Variants in EPRS1 observed in about 807,000 individuals in gnomAD.
EPRS1 encodes bifunctional glutamate/proline--tRNA ligase.
In EPRS1, 107 loss-of-function variants were observed where a neutral mutation model predicts 188.3. The observed-to-expected ratio is 0.57, with a 90% CI of 0.49 to 0.67. The LOEUF is 0.67. Ranked by LOEUF, EPRS1 falls within the 30% of genes least tolerant of loss-of-function variation. The probability of loss-of-function intolerance (pLI) is 0.00; values close to 1 mark genes in which losing one functional copy is unlikely to be tolerated. For synonymous variants in EPRS1, 596 were observed against 593.1 expected, an observed-to-expected ratio of 1.00 and a Z score of -0.07; for missense variants, 1,577 against 1,802.2, an observed-to-expected ratio of 0.88 and a Z score of 2.26.
intron 6 of EPRS1, among the ~76,000 whole-genome samples, chr1:220,027,359 T>C (rs536965263): frequency 4.7e-4 from 70 of 149,036 alleles, no homozygotes; most frequent in African/African-American, 1.6e-3. Flanking sequence ...ACCCGGGAGG[T>C]GGAGCTTGCA....
chr1:220,006,498 A>G (rs2102580645), intron 14 of EPRS1, among the ~76,000 whole-genome samples, 185 bp from the exon 15 acceptor site: 1 of 152,234 alleles, frequency 6.6e-6, no homozygotes, highest in African/African-American at 2.4e-5. Flanking sequence ...CTAACATGCC[A>G]GACATATATT....
chr1:219,988,003 A>C (rs1661037825), intron 19 of EPRS1, among the ~76,000 whole-genome samples: 1 of 152,200 alleles, frequency 6.6e-6, no homozygotes, highest in South Asian at 2.1e-4. Flanking sequence ...ATCTAAGTTA[A>C]GAGCCATTAA....
intron 18 of EPRS1, among the ~76,000 whole-genome samples, chr1:219,989,400 A>G (rs956702060): frequency 4.0e-5 from 6 of 151,568 alleles, no homozygotes; most frequent in Admixed American, 1.3e-4. Context: ...CCCCACCGAG[A>G]CACTTGTGAC....
intron 30 of EPRS1, among the ~76,000 whole-genome samples, chr1:219,971,556 G>A (rs1040440696): frequency 5.3e-5 from 8 of 151,858 alleles, no homozygotes; most frequent in Non-Finnish European, 1.2e-4. Flanking sequence ...TTAGGCAGCC[G>A]CATATGACAG....
At chr1:220,030,567 C>T (rs1662064981) in intron 5 of EPRS1, 87 bp from the exon 6 acceptor site, 7 of 884,348 alleles carry the variant, frequency 7.9e-6, no homozygotes, top group African/African-American at 1.6e-5. Context: ...CCAGGCACTA[C>T]ACACACTGGT....
At chr1:220,023,481 A>T (rs1304848793) in intron 8 of EPRS1, among the ~76,000 whole-genome samples, 1 of 152,228 alleles carries the variant, frequency 6.6e-6, no homozygotes. Context: ...CCAATTTAGA[A>T]GTTCAGGAGA....
At chr1:220,024,676 C>T (rs1413762014) in intron 7 of EPRS1, among the ~76,000 whole-genome samples, 3 of 152,176 alleles carry the variant, frequency 2.0e-5, no homozygotes, top group Admixed American at 6.5e-5. Flanking sequence ...GCTGATCTCA[C>T]GATGGAGTTT....
intron 19 of EPRS1, among the ~76,000 whole-genome samples, chr1:219,988,261 A>C (rs1293943771): frequency 6.6e-6 from 1 of 152,168 alleles, no homozygotes. Context: ...GTAAATATTA[A>C]GGGCCTTCAA....
intron 17 of EPRS1, among the ~76,000 whole-genome samples, chr1:219,997,940 T>C (rs1474881947): frequency 6.6e-6 from 1 of 152,176 alleles, no homozygotes; most frequent in Non-Finnish European, 1.5e-5. Context: ...AACAGTTTCA[T>C]TTGTGTAAAA....
At chr1:220,009,598 G>A (rs2102582546) in intron 13 of EPRS1, among the ~76,000 whole-genome samples, 1 of 151,876 alleles carries the variant, frequency 6.6e-6, no homozygotes, top group African/African-American at 2.4e-5. Flanking sequence ...GAGGTGGAAG[G>A]ATCACTTGAG....
chr1:219,975,803 TAG>T (rs1660765706), intron 28 of EPRS1, among the ~76,000 whole-genome samples: 1 of 151,902 alleles, frequency 6.6e-6, no homozygotes, highest in Admixed American at 6.6e-5. Flanking sequence ...CATACATAAA[TAG>T]ATATGGAAAT....
intron 18 of EPRS1, among the ~76,000 whole-genome samples, chr1:219,993,008 G>A (rs568911813): frequency 2.0e-5 from 3 of 152,246 alleles, no homozygotes; most frequent in East Asian, 1.9e-4. Context: ...GTCAAGGAGG[G>A]CGGACAGCTT....
chr1:219,974,204 A>C (rs1660732447), intron 28 of EPRS1, among the ~76,000 whole-genome samples: 1 of 152,136 alleles, frequency 6.6e-6, no homozygotes. Context: ...TCAGCCTCTC[A>C]AATTGCTGGG....
intron 21 of EPRS1, among the ~76,000 whole-genome samples, chr1:219,983,963 T>C (rs1660953324): frequency 6.6e-6 from 1 of 151,926 alleles, no homozygotes; most frequent in Non-Finnish European, 1.5e-5. Context: ...TGGCTTTGAA[T>C]TAATCCCTTT....
At position 219,983,218 on chromosome 1, in the gene EPRS1, T is replaced by C. The variant is rs139441122; in HGVS notation, c.3271A>G (p.Lys1091Glu). 4.3e-6 allele frequency: 7 copies of C among 1,613,962 alleles called. No homozygotes were observed. In the African/African-American group the frequency reaches 6.7e-5, roughly 15 times the overall value. Residue 1091 changes from lysine to glutamate, a missense_variant, in exon 22 of 32, where the codon AAG (lysine) becomes GAG (glutamate). Around this residue, in one of 3 missense-constraint regions of EPRS1, gnomAD observed 1,278 missense variants for 1,457.4 expected, o/e 0.88. Transcript: ENST00000366923. Reference protein sequence around the residue: ...FVSQSALEKEKTHVADFAPEV... With the variant: ...FVSQSALEKEETHVADFAPEV... ...GGGGCAAAGTCAGCAACATGAGTCT[T>C]CTCTTTCTCTAATGCACTTTGAGAC...
At chr1:220,001,102 A>C in intron 17 of EPRS1, 36 bp downstream of exon 17, 2 of 1,130,180 alleles carry the variant, frequency 1.8e-6, no homozygotes, top group Non-Finnish European at 1.4e-6. Flanking sequence ...TAGAAAGACC[A>C]TTTATTTTTA....
At chr1:219,993,015 G>A (rs1302868745) in intron 18 of EPRS1, among the ~76,000 whole-genome samples, 1 of 152,120 alleles carries the variant, frequency 6.6e-6, no homozygotes, top group Non-Finnish European at 1.5e-5. Context: ...AGGGCGGACA[G>A]CTTGAGTATA....
rs1358215994 is a variant in EPRS1, at chr1:220,022,311, G to A, written c.1115+36C>T. On this transcript the variant is annotated intron_variant, in intron 9 of 31. Coordinates refer to ENST00000366923, the MANE Select transcript of EPRS1 (RefSeq NM_004446.3). ...TAAAGAAGATCAAAACAAAAGCACA[G>A]ATGGCTACCTAGCATATTGAAGGAG... The A allele has an allele frequency of 3.2e-6, 5 of 1,561,292 alleles. No homozygotes were observed. In the East Asian group the frequency reaches 1.1e-4, roughly 35 times the overall value.
In EPRS1 at chr1:219,997,300, T is replaced by TA; in HGVS notation, c.2223dup (p.Asn742Ter). On this transcript the variant is annotated frameshift_variant, in exon 18 of 32. Transcript: ENST00000366923. LOFTEE classifies it high-confidence loss of function. Reference sequence around the variant, plus strand: ...GAATCCTCAGATGTAGTACAATTATTATTCAGAGAAGGTGTTGGTCTTTCC... The same window carrying TA: ...GAATCCTCAGATGTAGTACAATTATTAATTCAGAGAAGGTGTTGGTCTTTCC... 1 of 1,612,164 alleles carries TA rather than the reference T, an allele frequency of 6.2e-7. No individual in the cohort carries two copies. Among genetic ancestry groups the TA allele is most frequent in the Non-Finnish European group, 8.5e-7 (1 of 1,179,186 alleles).
Sources: allele counts gnomAD v4.1 joint callset (sites outside exome capture counted in the v4.1 genomes callset), GRCh38; gene constraint gnomAD v4.1.1; regional missense constraint gnomAD v4.1.1; transcripts MANE v1.5; gene names NCBI Gene and HGNC (gene_info 2026-07-23, HGNC 2026-07-21).